The following EFCAB6 variants were observed in gnomAD, a reference collection of about 807,000 sequenced individuals.
The protein encoded by EFCAB6 is EF-hand calcium-binding domain-containing protein 6.
EFCAB6 carries 156 observed loss-of-function variants against 169.8 expected under a neutral mutation model. That is an observed-to-expected ratio of 0.92 (90% CI 0.81 to 1.05). The LOEUF (loss-of-function observed/expected upper bound fraction) is 1.05, where lower values mean the gene tolerates loss of function less well. Ranked by LOEUF, EFCAB6 falls within the 50% of genes least tolerant of loss-of-function variation. EFCAB6 has a pLI of 0.00. For missense variants in EFCAB6, 1,800 were observed against 1,829.1 expected (o/e 0.98, Z 0.29); for synonymous variants, 698 against 676.4 (o/e 1.03, Z -0.50).
intron 23 of EFCAB6, among the ~76,000 whole-genome samples, chr22:43,597,888 T>C (rs1156973591): frequency 1.3e-5 from 2 of 152,174 alleles, no homozygotes; most frequent in African/African-American, 4.8e-5. Flanking sequence ...GAACATTATT[T>C]AGCCATAAAA....
intron 6 of EFCAB6, among the ~76,000 whole-genome samples, chr22:43,736,843 G>A (rs1204352226): frequency 6.6e-6 from 1 of 152,004 alleles, no homozygotes; most frequent in Non-Finnish European, 1.5e-5. Context: ...TTATTACGAA[G>A]GACTGCTGAC....
chr22:43,638,043 G>A (rs1421764396), intron 17 of EFCAB6, among the ~76,000 whole-genome samples: 2 of 152,122 alleles, frequency 1.3e-5, no homozygotes, highest in African/African-American at 2.4e-5. Flanking sequence ...CCTGTCCAGC[G>A]GTCGCAGGAG....
chr22:43,633,310 G>A (rs191003397), intron 18 of EFCAB6, among the ~76,000 whole-genome samples: 1 of 152,348 alleles, frequency 6.6e-6, no homozygotes, highest in East Asian at 1.9e-4. Context: ...AGCACTTTGG[G>A]AGGCCAAGGT....
intron 3 of EFCAB6, among the ~76,000 whole-genome samples, chr22:43,781,111 T>C (rs1429759573): frequency 2.6e-5 from 4 of 152,076 alleles, no homozygotes; most frequent in Non-Finnish European, 5.9e-5. Flanking sequence ...GCTCAGAAAA[T>C]GTGGATAAAT....
chr22:43,743,319 C>T lies in EFCAB6; in HGVS notation c.508-7326G>A, dbSNP rs376979002. 6.6e-4 allele frequency among the ~76,000 whole-genome samples: 101 copies of T among 152,300 alleles called. 2 individuals carry two copies. The South Asian group carries it at 0.021, about 31-fold the overall frequency. ...ATAACTGCTCTGGGCTGGAGCGACC[C>T]CCACTGGACAATCCCAGTGTATCAA... On this transcript the variant is annotated intron_variant, in intron 6 of 31. Transcript: ENST00000262726.
At chr22:43,792,721 C>T (rs915444532) in intron 2 of EFCAB6, among the ~76,000 whole-genome samples, 3 of 152,202 alleles carry the variant, frequency 2.0e-5, no homozygotes, top group South Asian at 4.1e-4. Context: ...TACATGACTG[C>T]GGTGCCCCAA....
intron 17 of EFCAB6, among the ~76,000 whole-genome samples, chr22:43,640,545 T>C (rs2055729607): frequency 6.6e-6 from 1 of 152,162 alleles, no homozygotes; most frequent in African/African-American, 2.4e-5. Context: ...CTTTTCAAAA[T>C]GCCCCCTTTC....
chr22:43,575,277 G>A (rs992151211), intron 26 of EFCAB6, among the ~76,000 whole-genome samples: 2 of 151,556 alleles, frequency 1.3e-5, no homozygotes, highest in East Asian at 1.9e-4. Context: ...TGCAACCTCC[G>A]CCTCCTGGGT....
chr22:43,595,579 G>A (rs891573206), intron 23 of EFCAB6, among the ~76,000 whole-genome samples: 2 of 152,042 alleles, frequency 1.3e-5, no homozygotes, highest in Non-Finnish European at 2.9e-5. Context: ...CACCAACAAT[G>A]AGTAACAACA....
At chr22:43,601,839 C>G (rs566890589) in intron 22 of EFCAB6, among the ~76,000 whole-genome samples, 2 of 152,342 alleles carry the variant, frequency 1.3e-5, no homozygotes, top group Admixed American at 1.3e-4. Flanking sequence ...GGCCTGTCCC[C>G]ACAGGTGCCC....
chr22:43,744,652 A>G lies in EFCAB6; in HGVS notation c.508-8659T>C, dbSNP rs1452611933. 6.6e-6 allele frequency among the ~76,000 whole-genome samples: 1 copy of G among 152,114 alleles called. No homozygotes were observed. The highest frequency in any genetic ancestry group is 1.5e-5 in the Non-Finnish European group (1 of 68,004). ...GAGGGGGTCCAGAGGGGGCTAAGTC[A>G]GGGCTGATCTTCCTCAACAGGAAAC... On this transcript the variant is annotated intron_variant, in intron 6 of 31. Coordinates refer to ENST00000262726, the MANE Select transcript of EFCAB6 (RefSeq NM_022785.4). This position sits in a 1 kb window ranked among gnomAD's most constrained non-coding sequence, Gnocchi z 4.3.
At chr22:43,764,349 C>CA (rs1315991454) in intron 5 of EFCAB6, among the ~76,000 whole-genome samples, 2 of 152,226 alleles carry the variant, frequency 1.3e-5, no homozygotes, top group East Asian at 3.9e-4. Context: ...TAATGGCCTC[C>CA]AGCTGCAAAA....
chr22:43,624,259 C>T (rs902297828), intron 20 of EFCAB6, among the ~76,000 whole-genome samples: 13 of 152,154 alleles, frequency 8.5e-5, no homozygotes, highest in Non-Finnish European at 1.8e-4. Context: ...CACCAGACCC[C>T]GGGGACCAAG....
chr22:43,616,980 T>A (rs1303715391), intron 20 of EFCAB6, among the ~76,000 whole-genome samples: 1 of 152,194 alleles, frequency 6.6e-6, no homozygotes, highest in Admixed American at 6.5e-5. Flanking sequence ...TGAGAGGTCA[T>A]CTCTTCTGAT....
At chr22:43,581,149 A>AT (rs2050695389) in intron 24 of EFCAB6, among the ~76,000 whole-genome samples, 1 of 152,122 alleles carries the variant, frequency 6.6e-6, no homozygotes, top group Non-Finnish European at 1.5e-5. Context: ...AGCAGTCTGG[A>AT]TGGGGGGCTC....
intron 19 of EFCAB6, among the ~76,000 whole-genome samples, chr22:43,629,516 C>T (rs2054776624): frequency 6.6e-6 from 1 of 152,226 alleles, no homozygotes; most frequent in Admixed American, 6.5e-5. Flanking sequence ...ACAAATCGGT[C>T]ATGTGCATTG....
chr22:43,726,660 A>T (rs958107170), intron 8 of EFCAB6, among the ~76,000 whole-genome samples: 1 of 152,196 alleles, frequency 6.6e-6, no homozygotes, highest in African/African-American at 2.4e-5. Context: ...GCCAGAAGGC[A>T]AGGAAGGAAA....
At chr22:43,585,681 C>T (rs2051019239) in intron 24 of EFCAB6, among the ~76,000 whole-genome samples, 1 of 152,052 alleles carries the variant, frequency 6.6e-6, no homozygotes, top group Admixed American at 6.6e-5. Context: ...CAGGATAAAT[C>T]CCCCCAAATC....
intron 17 of EFCAB6, among the ~76,000 whole-genome samples, chr22:43,643,111 G>T (rs766551422): frequency 6.6e-6 from 1 of 152,164 alleles, no homozygotes; most frequent in East Asian, 1.9e-4. Context: ...CCCAAGGATC[G>T]CCACGAAAGA....
Sources: allele counts gnomAD v4.1 joint callset (sites outside exome capture counted in the v4.1 genomes callset), GRCh38; gene constraint gnomAD v4.1.1; non-coding constraint Gnocchi (gnomAD v3.1); transcripts MANE v1.5; gene names NCBI Gene and HGNC (gene_info 2026-07-23, HGNC 2026-07-21).